ABCC4: variants seen among roughly 807,000 people sequenced by gnomAD.
ABCC4 encodes the protein ATP-binding cassette sub-family C member 4.
ABCC4 carries 102 observed loss-of-function variants against 168.5 expected under a neutral mutation model. The ratio of observed to expected loss-of-function variants is 0.61; its 90% CI spans 0.52 to 0.71. The LOEUF (loss-of-function observed/expected upper bound fraction) is 0.71, where lower values mean the gene tolerates loss of function less well. ABCC4 is among the 30% of genes least tolerant of loss of function. The probability of loss-of-function intolerance (pLI) is 0.00; values close to 1 mark genes in which losing one functional copy is unlikely to be tolerated. For missense variants in ABCC4, 1,402 were observed against 1,605.8 expected (o/e 0.87, Z 2.17); for synonymous variants, 617 against 590.7 (o/e 1.04, Z -0.65).
intron 19 of ABCC4, among the ~76,000 whole-genome samples, chr13:95,143,228 A>G (rs1162214955): frequency 6.6e-6 from 1 of 151,994 alleles, no homozygotes; most frequent in Non-Finnish European, 1.5e-5. Flanking sequence ...TCAGGCCTAG[A>G]GAACAGCTGG....
At chr13:95,173,051 C>T (rs1441053375) in intron 13 of ABCC4, among the ~76,000 whole-genome samples, 2 of 152,246 alleles carry the variant, frequency 1.3e-5, no homozygotes, top group African/African-American at 2.4e-5. Flanking sequence ...GATACATCCA[C>T]TGGTCAAGCA....
chr13:95,161,141 G>C, intron 19 of ABCC4, 48 bp downstream of exon 19: 3 of 1,449,540 alleles, frequency 2.1e-6, no homozygotes, highest in Non-Finnish European at 2.8e-6. Context: ...GATCCTAAAT[G>C]TGTTGTTAAC....
At chr13:95,070,344 G>C (rs765909537) in intron 25 of ABCC4, among the ~76,000 whole-genome samples, 1 of 152,172 alleles carries the variant, frequency 6.6e-6, no homozygotes, top group Non-Finnish European at 1.5e-5. Context: ...AGGCAGACAG[G>C]TGCTTGGGGA....
intron 1 of ABCC4, among the ~76,000 whole-genome samples, chr13:95,276,381 C>T (rs1259964788): frequency 7.0e-6 from 1 of 141,964 alleles, no homozygotes; most frequent in Non-Finnish European, 1.5e-5. Context: ...CACCACTGCA[C>T]TCGAGCCTGG....
intron 19 of ABCC4, among the ~76,000 whole-genome samples, chr13:95,156,750 G>T (rs948309372): frequency 6.6e-6 from 1 of 152,094 alleles, no homozygotes; most frequent in African/African-American, 2.4e-5. Context: ...AAAGAGGAAA[G>T]AATAAAAACT....
chr13:95,177,601 G>T (rs1453750410), intron 13 of ABCC4, 106 bp downstream of exon 13: 2 of 813,880 alleles, frequency 2.5e-6, no homozygotes, highest in East Asian at 2.6e-5. Flanking sequence ...GTGGGGAGGG[G>T]AGCGGACACC....
At chr13:95,286,198 C>A (rs1594443955) in intron 1 of ABCC4, among the ~76,000 whole-genome samples, 1 of 134,142 alleles carries the variant, frequency 7.5e-6, no homozygotes, top group East Asian at 2.5e-4. Flanking sequence ...CGGCTCACTG[C>A]AACCTCCGCC....
At chr13:95,116,727 G>T (rs966690795) in intron 19 of ABCC4, among the ~76,000 whole-genome samples, 6 of 152,084 alleles carry the variant, frequency 3.9e-5, no homozygotes, top group Non-Finnish European at 8.8e-5. Context: ...TGTCATAAAG[G>T]CATCACAAAC....
chr13:95,188,941 A>G (rs775167080), intron 9 of ABCC4, among the ~76,000 whole-genome samples: 9 of 152,070 alleles, frequency 5.9e-5, no homozygotes, highest in Non-Finnish European at 1.3e-4. Context: ...GGTTTGTTAC[A>G]TAGGTATACA....
intron 1 of ABCC4, among the ~76,000 whole-genome samples, chr13:95,286,994 G>A (rs1231523035): frequency 6.7e-6 from 1 of 149,822 alleles, no homozygotes; most frequent in Non-Finnish European, 1.5e-5. Flanking sequence ...AAAAATAAGT[G>A]TATAGAACTT....
At chr13:95,095,320 A>ATCTG (rs2034558047) in intron 20 of ABCC4, among the ~76,000 whole-genome samples, 1 of 151,940 alleles carries the variant, frequency 6.6e-6, no homozygotes, top group Non-Finnish European at 1.5e-5. Context: ...CTATCTATCT[A>ATCTG]TCTATCTATC....
rs527478057 is a variant in ABCC4 at position 95,277,139 on chromosome 13, T to C, written c.74+24102A>G. Among the ~76,000 whole-genome samples, 10 of 152,258 alleles carry C rather than the reference T, an allele frequency of 6.6e-5. No individual in the cohort carries two copies. In the South Asian group the frequency reaches 2.1e-3, roughly 32 times the overall value. ...AAACAAGAATTATTAACCTCATTAA[T>C]TCAAATTAACTCTTAAGCACCCACC... On this transcript the variant is annotated intron_variant, in intron 1 of 30. Coordinates refer to ENST00000645237, the MANE Select transcript of ABCC4 (RefSeq NM_005845.5).
chr13:95,208,320 C>T (rs7331142), intron 6 of ABCC4, among the ~76,000 whole-genome samples: 95,891 of 142,990 alleles, frequency 0.67, 31,521 homozygotes, highest in African/African-American at 0.71. Flanking sequence ...TTAACTCCAC[C>T]GGGAAAGAGG....
intron 1 of ABCC4, among the ~76,000 whole-genome samples, chr13:95,292,473 G>C (rs1049288271): frequency 2.0e-5 from 3 of 152,064 alleles, no homozygotes; most frequent in African/African-American, 7.2e-5. Flanking sequence ...AAACAAAGGA[G>C]AGCGGCTCTG....
At chr13:95,243,102 G>A (rs1317386236) in intron 3 of ABCC4, among the ~76,000 whole-genome samples, 5 of 152,152 alleles carry the variant, frequency 3.3e-5, no homozygotes, top group East Asian at 1.9e-4. Context: ...GGACCAACAA[G>A]TGCTCTCTTG....
chr13:95,033,511 C>T (rs1277325445), intron 30 of ABCC4, among the ~76,000 whole-genome samples: 1 of 152,190 alleles, frequency 6.6e-6, no homozygotes, highest in Non-Finnish European at 1.5e-5. Context: ...GTTATCACAT[C>T]TGTAGAATGA....
intron 26 of ABCC4, among the ~76,000 whole-genome samples, chr13:95,057,993 C>T (rs562426844): frequency 1.3e-5 from 2 of 152,150 alleles, no homozygotes; most frequent in African/African-American, 2.4e-5. Context: ...CTGCAGCCAG[C>T]GAGGCCTCGG....
At chr13:95,117,577 T>C (rs1180072202) in intron 19 of ABCC4, among the ~76,000 whole-genome samples, 6 of 152,210 alleles carry the variant, frequency 3.9e-5, no homozygotes, top group Non-Finnish European at 7.3e-5. Context: ...CAGATACTTA[T>C]GGATTTTGTT....
chr13:95,089,730 T>C (rs774872948), intron 20 of ABCC4, among the ~76,000 whole-genome samples: 3 of 152,070 alleles, frequency 2.0e-5, no homozygotes, highest in Non-Finnish European at 4.4e-5. Context: ...CAATGCTATT[T>C]ATCAGGTTAA....
Sources: allele counts gnomAD v4.1 joint callset (sites outside exome capture counted in the v4.1 genomes callset), GRCh38; gene constraint gnomAD v4.1.1; transcripts MANE v1.5; gene names NCBI Gene and HGNC (gene_info 2026-07-23, HGNC 2026-07-21).